The following MTMR10 variants were observed in gnomAD, a reference collection of about 807,000 sequenced individuals.
The protein encoded by MTMR10 is myotubularin related protein 10.
In MTMR10, 56 loss-of-function variants were observed where a neutral mutation model predicts 88.1. That is an observed-to-expected ratio of 0.64 (90% CI 0.51 to 0.79). The LOEUF (loss-of-function observed/expected upper bound fraction) is 0.79, where lower values mean the gene tolerates loss of function less well. MTMR10 is among the 30% of genes least tolerant of loss of function. MTMR10 has a pLI of 0.00. For missense variants in MTMR10, 883 were observed against 924.7 expected (o/e 0.95, Z 0.58); for synonymous variants, 380 against 340.9 (o/e 1.11, Z -1.26).
chr15:30,943,627 G>A (rs1194300409), intron 14 of MTMR10: 1 of 985,300 alleles, frequency 1.0e-6, no homozygotes, highest in Non-Finnish European at 1.2e-6. Flanking sequence ...CCTAGCATGT[G>A]GCTAAAACCA....
Position 30,955,973 on chromosome 15 carries a change from T to TA in MTMR10, c.936-1081dup, listed in dbSNP as rs113917594. 2.6e-3 allele frequency among the ~76,000 whole-genome samples: 353 copies of TA among 135,724 alleles called. 1 individual carries two copies. Among genetic ancestry groups the TA allele is most frequent in the African/African-American group, 6.8e-3 (255 of 37,228 alleles). 89.0% of individuals were successfully genotyped at this position (135,724 alleles called of 152,430 possible). A position where few individuals can be genotyped will look rare whatever the true frequency, so the allele number is the denominator to read the frequency against. On this transcript the variant is annotated intron_variant, in intron 9 of 15. Transcript: ENST00000435680. ...TCAATGGGTAACTTCCACACCACTT[T>TA]AAAAAAACAAAACAAAACCCTGCTG...
the MTMR10 span, chr15:30,928,478 G>A: frequency 6.3e-7 from 1 of 1,578,134 alleles, no homozygotes; most frequent in Non-Finnish European, 8.6e-7. Context: ...TTATGGTGGT[G>A]TTTTGGAAGA....
intron 15 of MTMR10, chr15:30,942,298 C>T (rs938215501): frequency 8.4e-5 from 50 of 596,712 alleles, no homozygotes; most frequent in African/African-American, 4.6e-4. Context: ...TGAATGGGGG[C>T]GGGATGAGAG....
chr15:30,931,210 T>G, the MTMR10 span, among the ~76,000 whole-genome samples: 1 of 152,092 alleles, frequency 6.6e-6, no homozygotes, highest in Non-Finnish European at 1.5e-5. Flanking sequence ...CACAAAAAAT[T>G]TTTTAAAAAG....
chr15:30,930,455 G>C, the MTMR10 span: 1 of 1,472,082 alleles, frequency 6.8e-7, no homozygotes, highest in Non-Finnish European at 9.1e-7. Context: ...CATATACACT[G>C]AGCTTTTCTC....
In MTMR10 at chr15:30,991,449, G is replaced by C. The variant is rs753837494; in HGVS notation, c.58C>G (p.Gln20Glu). 4 of 1,501,992 alleles carry C rather than the reference G, an allele frequency of 2.7e-6. No homozygotes were observed. In the African/African-American group the frequency reaches 5.9e-5, roughly 22 times the overall value. The allele number at this position is 1,501,992 out of a possible 1,614,324, so 93.0% of individuals were successfully genotyped here. ...GCTCGCGGGGAGGGGTTGTTTACCT[G>C]GGGCGGTGGCAGGAGGTAGGACCTG... ...TFRSYLLPPP[Q>E]TDDKINSEPK... Residue 20 changes from glutamine (Q) to glutamate (E), a missense_variant and splice_region_variant, in exon 1 of 16, where the codon CAG becomes GAG. By Grantham distance (29) the Gln-to-Glu change is conservative. Coordinates refer to ENST00000435680, the MANE Select transcript of MTMR10 (RefSeq NM_017762.3).
At chr15:30,932,639 T>C in the MTMR10 span, among the ~76,000 whole-genome samples, 4 of 152,142 alleles carry the variant, frequency 2.6e-5, no homozygotes. Flanking sequence ...GATTGCGCTT[T>C]GCTAGTTTGT....
At chr15:30,975,512 T>C (rs1324069208) in intron 3 of MTMR10, among the ~76,000 whole-genome samples, 1 of 152,214 alleles carries the variant, frequency 6.6e-6, no homozygotes, top group African/African-American at 2.4e-5. Flanking sequence ...GGTACTGGAT[T>C]TAAGCTGTTC....
chr15:30,963,075 A>ATT (rs2063424418), intron 6 of MTMR10, among the ~76,000 whole-genome samples: 1 of 152,222 alleles, frequency 6.6e-6, no homozygotes, highest in Admixed American at 6.5e-5. Context: ...GTTTCCCAAA[A>ATT]ACGTAACTTC....
intron 1 of MTMR10, 168 bp downstream of exon 1, chr15:30,991,279 G>C (rs2031304670): frequency 4.9e-6 from 3 of 607,320 alleles, no homozygotes; most frequent in Non-Finnish European, 7.8e-6. Context: ...GAGCCAGTGG[G>C]GGCTCCCGAG....
intron 5 of MTMR10, among the ~76,000 whole-genome samples, chr15:30,969,204 C>T (rs984013227): frequency 2.0e-5 from 3 of 151,920 alleles, no homozygotes; most frequent in African/African-American, 7.3e-5. Context: ...TGTTTCCTGT[C>T]TCACTAAGTT....
chr15:30,935,867 G>A (rs1223328895), downstream of MTMR10, among the ~76,000 whole-genome samples: 1 of 151,834 alleles, frequency 6.6e-6, no homozygotes, highest in African/African-American at 2.4e-5. Flanking sequence ...TAAAAATTCT[G>A]GCTGCTTTGA....
intron 12 of MTMR10, 178 bp from the exon 13 acceptor site, chr15:30,948,649 T>TA: frequency 1.6e-6 from 1 of 617,606 alleles, no homozygotes; most frequent in Non-Finnish European, 2.8e-6. Flanking sequence ...GTAGATAAAC[T>TA]AAATTAGCAT....
At chr15:30,924,332 T>A in the MTMR10 span, among the ~76,000 whole-genome samples, 2 of 152,214 alleles carry the variant, frequency 1.3e-5, no homozygotes, top group Non-Finnish European at 2.9e-5. Flanking sequence ...CTGGTTTCAA[T>A]TCTTTTGGGA....
intron 6 of MTMR10, among the ~76,000 whole-genome samples, chr15:30,962,874 G>GA (rs1441282362): frequency 1.3e-5 from 2 of 152,196 alleles, no homozygotes; most frequent in Non-Finnish European, 2.9e-5. Context: ...CACAACTAAA[G>GA]AGAGTTCTAA....
intron 11 of MTMR10, 37 bp from the exon 12 acceptor site, chr15:30,952,075 A>C (rs926571033): frequency 1.3e-6 from 2 of 1,519,574 alleles, no homozygotes; most frequent in Non-Finnish European, 1.8e-6. Context: ...TTAAAAATCA[A>C]ATTTCCACTA....
the MTMR10 span, chr15:30,929,490 G>A: frequency 1.2e-6 from 1 of 839,846 alleles, no homozygotes; most frequent in Non-Finnish European, 1.8e-6. Context: ...ACACATGTGT[G>A]TATATGTAAA....
At chr15:30,944,479 T>C (rs1388618555) in intron 14 of MTMR10, among the ~76,000 whole-genome samples, 1 of 148,962 alleles carries the variant, frequency 6.7e-6, no homozygotes, top group Non-Finnish European at 1.5e-5. Context: ...GGCAGGAGAA[T>C]CACCTGAACC....
chr15:30,977,413 A>G (rs2030233512), intron 2 of MTMR10, among the ~76,000 whole-genome samples: 1 of 152,224 alleles, frequency 6.6e-6, no homozygotes, highest in Non-Finnish European at 1.5e-5. Context: ...CTGAATGTAA[A>G]ATGTATTCCA....
Sources: gnomAD v4.1 joint callset for allele counts (sites outside exome capture counted in the v4.1 genomes callset) on GRCh38, gnomAD v4.1.1 for gene constraint, MANE v1.5 for transcripts, NCBI Gene and HGNC (gene_info 2026-07-23, HGNC 2026-07-21) for gene names.